The following CDC26 variants were observed in gnomAD, a reference collection of about 807,000 sequenced individuals.
CDC26 encodes anaphase-promoting complex subunit CDC26.
Under a neutral mutation model 8.0 loss-of-function variants are expected in CDC26, and 2 were observed. That is an observed-to-expected ratio of 0.25 (90% CI 0.10 to 0.79). The LOEUF is 0.79. Among genes scored for constraint, CDC26 ranks in the 30% least tolerant of loss-of-function variants. The pLI is 0.70. For missense variants in CDC26, 68 were observed against 106.0 expected (o/e 0.64, Z 1.57); for synonymous variants, 19 against 34.9 (o/e 0.55, Z 1.60).
intron 3 of CDC26, 21 bp from the exon 4 acceptor site, chr9:113,267,460 G>C (rs1266755893): frequency 1.9e-6 from 3 of 1,587,358 alleles, no homozygotes; most frequent in Non-Finnish European, 2.6e-6. Context: ...AAAAGTTTTA[G>C]GATTAAGGCA....
intron 3 of CDC26, among the ~76,000 whole-genome samples, chr9:113,268,690 AG>A (rs1407633982): frequency 1.3e-5 from 2 of 152,070 alleles, no homozygotes; most frequent in African/African-American, 4.8e-5. Context: ...GCCAAGGCGG[AG>A]GATTGCTTGA....
At chr9:113,272,693 T>A in intron 2 of CDC26, 145 bp from the exon 3 acceptor site, 3 of 237,228 alleles carry the variant, frequency 1.3e-5, no homozygotes, top group East Asian at 8.3e-5. Context: ...TCTAAAGTCT[T>A]TTTTTTTTTT....
chr9:113,270,712 T>C (rs1831941285), intron 3 of CDC26, among the ~76,000 whole-genome samples: 1 of 152,136 alleles, frequency 6.6e-6, no homozygotes, highest in Non-Finnish European at 1.5e-5. Flanking sequence ...TAGATTGGCA[T>C]GTTCAAGGAA....
At position 113,272,551 on chromosome 9, in the gene CDC26, G is replaced by A. The variant is rs1325935793; in HGVS notation, c.-41-3C>T. ...GGCCAAACCCAGTGAACTATTAGCT[G>A]TTAAAAATGAAAGAGAGGAGGAAAA... On this transcript the variant is annotated splice_polypyrimidine_tract_variant and splice_region_variant and intron_variant, in intron 2 of 3. Transcript: ENST00000374206. The A allele has an allele frequency of 7.0e-6, 10 of 1,435,224 alleles. No individual in the cohort carries two copies. The highest frequency in any genetic ancestry group is 9.8e-6 in the Non-Finnish European group (10 of 1,020,676). 88.9% of individuals were successfully genotyped at this position (1,435,224 alleles called of 1,614,324 possible). A position where few individuals can be genotyped will look rare whatever the true frequency, so the allele number is the denominator to read the frequency against.
At chr9:113,272,087 C>G (rs1265527317) in intron 3 of CDC26, among the ~76,000 whole-genome samples, 7 of 152,200 alleles carry the variant, frequency 4.6e-5, no homozygotes, top group Non-Finnish European at 1.0e-4. Flanking sequence ...TGTGCCCACA[C>G]AAGAATTATT....
At chr9:113,272,638 A>T in intron 2 of CDC26, 90 bp from the exon 3 acceptor site, 1 of 641,398 alleles carries the variant, frequency 1.6e-6, no homozygotes, top group Non-Finnish European at 2.8e-6. Flanking sequence ...TGTATACTAA[A>T]GTGAATGGAA....
chr9:113,272,323 CAG>C (rs1382097022), intron 3 of CDC26, 102 bp downstream of exon 3: 4 of 826,866 alleles, frequency 4.8e-6, no homozygotes, highest in Admixed American at 3.7e-5. Flanking sequence ...GAGGCTGAGG[CAG>C]AGGAGGCAGA....
At chr9:113,268,758 A>G (rs1009788728) in intron 3 of CDC26, among the ~76,000 whole-genome samples, 4 of 147,680 alleles carry the variant, frequency 2.7e-5, no homozygotes, top group African/African-American at 5.0e-5. Flanking sequence ...TGTCTCCACA[A>G]TTTTTTTTTT....
chr9:113,275,412 G>A lies in CDC26; in HGVS notation c.-182C>T, dbSNP rs41276777. The A allele has an allele frequency of 0.016, 4,934 of 304,866 alleles. 77 individuals are homozygous for A. Among genetic ancestry groups the A allele is most frequent in the Non-Finnish European group, 0.021 (3,369 of 163,636 alleles). The allele number at this position is 304,866 out of a possible 1,614,324, so 18.9% of individuals were successfully genotyped here. On this transcript the variant is annotated 5_prime_UTR_variant, in exon 1 of 4. Coordinates refer to ENST00000374206, the MANE Select transcript of CDC26 (RefSeq NM_139286.4). ...TTCAAGCCGGCCTAGCCCCTTCCCG[G>A]AACCTCGGCTCCCCCCCAACGAAAC...
At chr9:113,270,036 G>A (rs1588001891) in intron 3 of CDC26, among the ~76,000 whole-genome samples, 1 of 152,166 alleles carries the variant, frequency 6.6e-6, no homozygotes, top group Non-Finnish European at 1.5e-5. Context: ...CCCAGTGAGG[G>A]AAAACAAAAG....
intron 3 of CDC26, 75 bp from the exon 4 acceptor site, chr9:113,267,514 G>A (rs1248976841): frequency 2.0e-6 from 3 of 1,510,536 alleles, no homozygotes; most frequent in Non-Finnish European, 1.8e-6. Flanking sequence ...CACCTACCAT[G>A]TACTAGGCAT....
intron 3 of CDC26, 149 bp from the exon 4 acceptor site, chr9:113,267,588 AG>A (rs2118536662): frequency 9.5e-7 from 1 of 1,049,410 alleles, no homozygotes; most frequent in South Asian, 1.7e-5. Context: ...TGGAGTACTT[AG>A]GGGCACAATG....
intron 3 of CDC26, 142 bp downstream of exon 3, chr9:113,272,285 G>A: frequency 1.5e-6 from 1 of 657,736 alleles, no homozygotes; most frequent in Non-Finnish European, 2.7e-6. Context: ...TGGGCGTGCT[G>A]GCATGAACCT....
At chr9:113,267,846 G>A (rs560906424) in intron 3 of CDC26, among the ~76,000 whole-genome samples, 61 of 152,254 alleles carry the variant, frequency 4.0e-4, no homozygotes, top group African/African-American at 1.4e-3. Flanking sequence ...AATTAGCTGG[G>A]CATGGTGGCG....
At chr9:113,274,848 A>G (rs1280196404) in intron 1 of CDC26, among the ~76,000 whole-genome samples, 1 of 152,192 alleles carries the variant, frequency 6.6e-6, no homozygotes, top group Non-Finnish European at 1.5e-5. Flanking sequence ...AGGGGGTTGC[A>G]TGAGGATCTG....
In CDC26 at chr9:113,272,444, T is replaced by C; in HGVS notation, c.64A>G (p.Ile22Val). Residue 22 changes from isoleucine to valine, a missense_variant, in exon 3 of 4, where the codon ATT becomes GTT. Physicochemically the swap from Ile to Val is conservative, Grantham distance 29. Transcript: ENST00000374206. ...ATTCATACCTCCAGGTCCTTTCGAA[T>C]GTTCTCAAACTCTTCAATGTCATCA... ...KLDDIEEFEN[I>V]RKDLETRKKQ... 1 of 1,612,096 alleles carries C rather than the reference T, an allele frequency of 6.2e-7. No individual in the cohort carries two copies. The highest frequency in any genetic ancestry group is 8.5e-7 in the Non-Finnish European group (1 of 1,179,188).
intron 2 of CDC26, among the ~76,000 whole-genome samples, 162 bp downstream of exon 2, chr9:113,273,167 T>A (rs999347759): frequency 6.6e-6 from 1 of 152,210 alleles, no homozygotes; most frequent in Non-Finnish European, 1.5e-5. Context: ...TTCAAAGAAC[T>A]ACTCTAGCTA....
chr9:113,274,669 C>A (rs914053647), intron 1 of CDC26, among the ~76,000 whole-genome samples: 1 of 152,202 alleles, frequency 6.6e-6, no homozygotes, highest in African/African-American at 2.4e-5. Flanking sequence ...ACTACACCAC[C>A]GATCCTGAAC....
intron 3 of CDC26, among the ~76,000 whole-genome samples, chr9:113,268,122 G>C (rs1022075148): frequency 3.3e-5 from 5 of 152,190 alleles, no homozygotes; most frequent in African/African-American, 1.2e-4. Flanking sequence ...GAGACAAGAG[G>C]TAAGGAGTTG....
Sources: gnomAD v4.1 joint callset for allele counts (sites outside exome capture counted in the v4.1 genomes callset) on GRCh38, gnomAD v4.1.1 for gene constraint, MANE v1.5 for transcripts, NCBI Gene and HGNC (gene_info 2026-07-23, HGNC 2026-07-21) for gene names.